The following EPHA8 variants were observed in gnomAD, a reference collection of about 807,000 sequenced individuals.
EPHA8 encodes the protein ephrin type-A receptor 8.
EPHA8 carries 58 observed loss-of-function variants against 103.6 expected under a neutral mutation model. The ratio of observed to expected loss-of-function variants is 0.56; its 90% CI spans 0.45 to 0.70. The LOEUF (loss-of-function observed/expected upper bound fraction) is 0.70, where lower values mean the gene tolerates loss of function less well. Among genes scored for constraint, EPHA8 ranks in the 30% least tolerant of loss-of-function variants. The pLI is 0.00. For missense variants in EPHA8, 1,304 were observed against 1,395.2 expected (o/e 0.93, Z 1.04); for synonymous variants, 559 against 572.5 (o/e 0.98, Z 0.34).
rs138499017 is a variant in EPHA8, at chr1:22,600,732, C to T, written c.2460C>T (p.Asp820=). The T allele has an allele frequency of 4.1e-5, 66 of 1,613,420 alleles. No individual in the cohort carries two copies. The Middle Eastern group carries it at 1.6e-3, about 40-fold the overall frequency. ...IAFRTFSSAS[D]VWSFGVVMWE... ...TCCGCACCTTCTCCTCGGCCAGCGA[C>T]GTGTGGAGCTTCGGCGTGGTCATGT... The change falls in exon 14 of 17, where the codon GAC becomes GAT. Residue 820 remains aspartate (D), a synonymous_variant. Transcript: ENST00000166244.
chr1:22,594,807 A>G lies in EPHA8; in HGVS notation c.1604-423A>G, dbSNP rs536635573. Among the ~76,000 whole-genome samples, 26 of 152,208 alleles carry G rather than the reference A, an allele frequency of 1.7e-4. No individual in the cohort carries two copies. In the South Asian group the frequency reaches 5.4e-3, roughly 32 times the overall value. Reference sequence around the variant, plus strand: ...CCTCGAGTTCTCTGAGCCTCTTTCCATCTGAAAACTGAAGATAGTGCTGGG... The same window carrying G: ...CCTCGAGTTCTCTGAGCCTCTTTCCGTCTGAAAACTGAAGATAGTGCTGGG... On this transcript the variant is annotated intron_variant, in intron 7 of 16. Transcript: ENST00000166244.
chr1:22,578,602 TGTGCATGA>T (rs1314741039), intron 3 of EPHA8, among the ~76,000 whole-genome samples: 2 of 151,854 alleles, frequency 1.3e-5, no homozygotes, highest in Non-Finnish European at 2.9e-5. Context: ...TGTGTGCATG[TGTGCATGA>T]GTGTATGTCT....
chr1:22,578,097 T>TATGTG (rs1640806760), intron 3 of EPHA8, among the ~76,000 whole-genome samples: 1 of 27,440 alleles, frequency 3.6e-5, no homozygotes. Context: ...GCATGTAGCG[T>TATGTG]CAGTGTATGC....
At chr1:22,566,600 A>C (rs1297311553) in intron 1 of EPHA8, among the ~76,000 whole-genome samples, 1 of 152,178 alleles carries the variant, frequency 6.6e-6, no homozygotes, top group Non-Finnish European at 1.5e-5. Context: ...GAAGGGCCCT[A>C]GGAGACCATG....
rs1015313398 is a variant in EPHA8, at chr1:22,597,375, A to G, written c.1829A>G (p.Tyr610Cys). 1 of 1,613,318 alleles carries G rather than the reference A, an allele frequency of 6.2e-7. No individual in the cohort carries two copies. Among genetic ancestry groups the G allele is most frequent in the Admixed American group, 1.7e-5 (1 of 60,014 alleles). ...GGAAAGCTCCCAGAGCCCCAGTTCT[A>G]TGCGGAACCCCACACCTACGAGGAG... Reference protein sequence around the residue: ...PPGKLPEPQFYAEPHTYEEPG... With the variant: ...PPGKLPEPQFCAEPHTYEEPG... Residue 610 changes from tyrosine (Y) to cysteine (C), a missense_variant, in exon 10 of 17, where the codon TAT (tyrosine) becomes TGT (cysteine). Tyr to Cys is a radical substitution (Grantham distance 194). Transcript: ENST00000166244. The surrounding 1 kb of genome is among the most constrained non-coding windows in gnomAD (Gnocchi z 4.6).
chr1:22,597,367 C>G lies in EPHA8; in HGVS notation c.1821C>G (p.Pro607=). Residue 607 remains proline, a synonymous_variant, in exon 10 of 17, where the codon CCC becomes CCG. Coordinates refer to ENST00000166244, the MANE Select transcript of EPHA8 (RefSeq NM_020526.5). This position sits in a 1 kb window ranked among gnomAD's most constrained non-coding sequence, Gnocchi z 4.6. ...ACCCCCCGGGAAAGCTCCCAGAGCC[C>G]CAGTTCTATGCGGAACCCCACACCT... ...LHHPPGKLPE[P]QFYAEPHTYE... The G allele has an allele frequency of 6.2e-7, 1 of 1,613,382 alleles. No homozygotes were observed. The highest frequency in any genetic ancestry group is 8.5e-7 in the Non-Finnish European group (1 of 1,179,960).
chr1:22,585,902 C>T (rs538928166), intron 3 of EPHA8, among the ~76,000 whole-genome samples: 1 of 152,270 alleles, frequency 6.6e-6, no homozygotes, highest in South Asian at 2.1e-4. Flanking sequence ...GGCCAGGAAT[C>T]TGTATTTTTA....
chr1:22,589,630 A>G lies in EPHA8; in HGVS notation c.1315+424A>G, dbSNP rs890275660. 2.3e-5 allele frequency: 28 copies of G among 1,228,874 alleles called. No homozygotes were observed. Among genetic ancestry groups the G allele is most frequent in the Non-Finnish European group, 2.6e-5 (26 of 986,058 alleles). 76.1% of individuals were successfully genotyped at this position (1,228,874 alleles called of 1,614,324 possible). A position where few individuals can be genotyped will look rare whatever the true frequency, so the allele number is the denominator to read the frequency against. On this transcript the variant is annotated intron_variant, in intron 5 of 16. Transcript: ENST00000166244. The surrounding 1 kb of genome is among the most constrained non-coding windows in gnomAD (Gnocchi z 4.3). ...GTCATTAAAAAATAAAATCACTCGG[A>G]TGATCATTTTCCAGAACAGCTGCTA...
chr1:22,596,058 G>A (rs377358792), intron 8 of EPHA8, 48 bp from the exon 9 acceptor site: 35 of 1,594,404 alleles, frequency 2.2e-5, no homozygotes, highest in Admixed American at 2.2e-4. Flanking sequence ...GTCAGGTCCC[G>A]GGCTAGGGGT....
chr1:22,597,905 T>A lies in EPHA8; in HGVS notation c.2116+44T>A. 1 of 1,579,614 alleles carries A rather than the reference T, an allele frequency of 6.3e-7. No homozygotes were observed. The highest frequency in any genetic ancestry group is 8.6e-7 in the Non-Finnish European group (1 of 1,160,066). On this transcript the variant is annotated intron_variant, in intron 11 of 16. Transcript: ENST00000166244. This position sits in a 1 kb window ranked among gnomAD's most constrained non-coding sequence, Gnocchi z 4.6. ...CAGCCTCCCCCTGCAGTGCCCCTCC[T>A]GCCTGGAGAGGCCTCTGGGTCCATC...
chr1:22,578,561 T>G (rs1478992536), intron 3 of EPHA8, among the ~76,000 whole-genome samples: 1 of 134,160 alleles, frequency 7.5e-6, no homozygotes, highest in Non-Finnish European at 1.6e-5. Context: ...GTGTGCACAT[T>G]TGTTAGTGTC....
intron 4 of EPHA8, 123 bp downstream of exon 4, chr1:22,586,758 T>A (rs1641222036): frequency 2.4e-6 from 3 of 1,259,450 alleles, no homozygotes; most frequent in Non-Finnish European, 2.2e-6. Context: ...GTGGCTCTCT[T>A]GAGCCAGAGG....
intron 2 of EPHA8, among the ~76,000 whole-genome samples, chr1:22,570,892 G>A (rs1008631883): frequency 4.6e-5 from 7 of 152,254 alleles, no homozygotes; most frequent in Non-Finnish European, 8.8e-5. Context: ...TCTTCCCCGC[G>A]TGAGCGTGGT....
intron 13 of EPHA8, among the ~76,000 whole-genome samples, chr1:22,599,911 A>AG (rs1641656960): frequency 2.8e-5 from 1 of 35,202 alleles, no homozygotes; most frequent in African/African-American, 1.3e-4. Context: ...AAGGGAGGGA[A>AG]GGAGAGAAGG....
chr1:22,564,402 C>T (rs1467456963), intron 1 of EPHA8, among the ~76,000 whole-genome samples: 38 of 135,652 alleles, frequency 2.8e-4, no homozygotes, highest in African/African-American at 1.1e-3. Context: ...GAGGCAGCTT[C>T]GTGGGCAGCG....
At chr1:22,601,599 G>C in intron 16 of EPHA8, 28 bp from the exon 17 acceptor site, 1 of 1,582,374 alleles carries the variant, frequency 6.3e-7, no homozygotes, top group Middle Eastern at 1.7e-4. Flanking sequence ...CCCAGGCCCA[G>C]CTGGCCAGCA....
At chr1:22,588,085 T>C (rs973432621) in intron 4 of EPHA8, among the ~76,000 whole-genome samples, 1 of 152,244 alleles carries the variant, frequency 6.6e-6, no homozygotes, top group Non-Finnish European at 1.5e-5. Flanking sequence ...TTCTATACCC[T>C]TCCGATGTTA....
chr1:22,589,019 CGA>C lies in EPHA8; in HGVS notation c.1130_1131del (p.Glu377GlyfsTer97). On this transcript the variant is annotated frameshift_variant, in exon 5 of 17. Coordinates refer to ENST00000166244, the MANE Select transcript of EPHA8 (RefSeq NM_020526.5). LOFTEE classifies it high-confidence loss of function. The surrounding 1 kb of genome is among the most constrained non-coding windows in gnomAD (Gnocchi z 4.3). ...GCTGCCCCTGGGCACTGAGCCGCTGCGAGGCATGTGGGAGCGGCACCCGCTTT... is the reference window on the plus strand; with the variant it reads ...GCTGCCCCTGGGCACTGAGCCGCTGCGGCATGTGGGAGCGGCACCCGCTTT... Reference protein sequence around the residue: ...RRCPWALSRCEACGSGTRFVP... With the variant: ...RRCPWALSRCXACGSGTRFVP... 6.2e-7 allele frequency: 1 copy of C among 1,612,832 alleles called. No homozygotes were observed. Among genetic ancestry groups the C allele is most frequent in the East Asian group, 2.2e-5 (1 of 44,826 alleles).
intron 3 of EPHA8, among the ~76,000 whole-genome samples, chr1:22,582,499 G>A (rs1641073655): frequency 6.7e-6 from 1 of 149,366 alleles, no homozygotes; most frequent in Non-Finnish European, 1.5e-5. Context: ...CTCTTTAGAG[G>A]CCTTGCTTAG....
Sources: allele counts gnomAD v4.1 joint callset (sites outside exome capture counted in the v4.1 genomes callset), GRCh38; gene constraint gnomAD v4.1.1; non-coding constraint Gnocchi (gnomAD v3.1); transcripts MANE v1.5; gene names NCBI Gene and HGNC (gene_info 2026-07-23, HGNC 2026-07-21).